Variants in ETV6 observed in about 807,000 individuals in gnomAD.
ETV6 encodes the protein transcription factor ETV6.
In ETV6, 16 loss-of-function variants were observed where a neutral mutation model predicts 51.1. The ratio of observed to expected loss-of-function variants is 0.31; its 90% CI spans 0.21 to 0.48. The LOEUF is 0.48. ETV6 is among the 20% of genes least tolerant of loss of function. ETV6 has a pLI of 0.99. For missense variants in ETV6, 458 were observed against 594.8 expected (o/e 0.77, Z 2.39); for synonymous variants, 240 against 224.1 (o/e 1.07, Z -0.64).
chr12:11,750,069 T>A (rs1028554085), intron 1 of ETV6, among the ~76,000 whole-genome samples: 2 of 152,196 alleles, frequency 1.3e-5, no homozygotes, highest in African/African-American at 4.8e-5. Context: ...CATCATGAAA[T>A]AGCAGTTGTC....
rs553950140 is a variant in ETV6, at chr12:11,654,755, G to T, written c.33+4595G>T. Among the ~76,000 whole-genome samples, 78 of 152,312 alleles carry T rather than the reference G, an allele frequency of 5.1e-4. 2 individuals carry two copies. The South Asian group carries it at 6.0e-3, about 12-fold the overall frequency. On this transcript the variant is annotated intron_variant, in intron 1 of 7. Coordinates refer to ENST00000396373, the MANE Select transcript of ETV6 (RefSeq NM_001987.5). ...TATTTTTTACAGTGCACAAAGGCCT[G>T]CAAGTTCTGTTTTGGGCTGAAGGCC... is the stretch of plus-strand genomic sequence containing the variant.
intron 1 of ETV6, chr12:11,751,271 A>G (rs1001520730): frequency 7.9e-6 from 4 of 508,682 alleles, no homozygotes; most frequent in African/African-American, 3.9e-5. Flanking sequence ...GTAAAATGTT[A>G]AAGAACTATC....
intron 2 of ETV6, chr12:11,769,044 A>G: frequency 2.3e-6 from 1 of 433,634 alleles, no homozygotes; most frequent in South Asian, 1.7e-5. Context: ...AATAAGAGAG[A>G]AAAAACTTGG....
intron 1 of ETV6, among the ~76,000 whole-genome samples, chr12:11,684,497 A>G (rs1019614581): frequency 1.3e-5 from 2 of 152,232 alleles, no homozygotes; most frequent in African/African-American, 4.8e-5. Flanking sequence ...AAACTTCCAC[A>G]CATATTCAGA....
chr12:11,882,055 A>G (rs948484203), intron 5 of ETV6, among the ~76,000 whole-genome samples: 12 of 152,208 alleles, frequency 7.9e-5, no homozygotes, highest in African/African-American at 2.2e-4. Context: ...GTCCAGGACT[A>G]TGGTGTTGTT....
At chr12:11,876,168 A>G (rs561356452) in intron 5 of ETV6, among the ~76,000 whole-genome samples, 4 of 152,348 alleles carry the variant, frequency 2.6e-5, no homozygotes, top group Admixed American at 6.5e-5. Context: ...ACTGCAGGCT[A>G]TATTTTCAGA....
chr12:11,800,189 AT>A (rs1945726915), intron 2 of ETV6, among the ~76,000 whole-genome samples: 1 of 152,202 alleles, frequency 6.6e-6, no homozygotes, highest in Non-Finnish European at 1.5e-5. Flanking sequence ...TTTCTGGGTC[AT>A]GGAAAAGTAA....
intron 1 of ETV6, among the ~76,000 whole-genome samples, chr12:11,696,041 C>G (rs1023506924): frequency 6.6e-6 from 1 of 151,658 alleles, no homozygotes. Flanking sequence ...AAAAAAGAAA[C>G]TTTTTCCTCT....
chr12:11,678,419 C>T (rs776906337), intron 1 of ETV6, among the ~76,000 whole-genome samples: 5 of 152,118 alleles, frequency 3.3e-5, no homozygotes, highest in Admixed American at 6.5e-5. Context: ...CAATTAGAGG[C>T]GCATTTTGAT....
At chr12:11,686,214 C>G (rs991712883) in intron 1 of ETV6, among the ~76,000 whole-genome samples, 1 of 152,120 alleles carries the variant, frequency 6.6e-6, no homozygotes, top group Non-Finnish European at 1.5e-5. Context: ...TTGATTTGCC[C>G]GACATCAATG....
chr12:11,860,630 AAGC>A (rs2136512812), intron 4 of ETV6, among the ~76,000 whole-genome samples: 2 of 152,126 alleles, frequency 1.3e-5, no homozygotes, highest in Admixed American at 1.3e-4. Flanking sequence ...TAGAATAGCC[AAGC>A]ATTCGGTAAA....
At chr12:11,660,800 T>C (rs1488530351) in intron 1 of ETV6, among the ~76,000 whole-genome samples, 2 of 152,166 alleles carry the variant, frequency 1.3e-5, no homozygotes, top group East Asian at 3.9e-4. Context: ...CATGGTAGTG[T>C]CTCTTGGCTC....
At chr12:11,883,098 A>T (rs1246913104) in intron 5 of ETV6, among the ~76,000 whole-genome samples, 1 of 152,132 alleles carries the variant, frequency 6.6e-6, no homozygotes, top group Non-Finnish European at 1.5e-5. Context: ...CATGCAGTGA[A>T]CACCTGGAAA....
chr12:11,881,568 A>G (rs567908528), intron 5 of ETV6, among the ~76,000 whole-genome samples: 2 of 152,264 alleles, frequency 1.3e-5, no homozygotes, highest in South Asian at 4.2e-4. Context: ...CACTTGGTGG[A>G]AGGGTGAGGG....
chr12:11,884,471 T>C lies in ETV6; in HGVS notation c.1036T>C (p.Tyr346His), dbSNP rs1230474319. 1.2e-6 allele frequency: 2 copies of C among 1,614,218 alleles called. No individual in the cohort carries two copies. The highest frequency in any genetic ancestry group is 1.7e-6 in the Non-Finnish European group (2 of 1,180,038). The change falls in exon 6 of 8, where the codon TAT (tyrosine) becomes CAT (histidine). Residue 346 changes from tyrosine to histidine, a missense_variant. Transcript: ENST00000396373. The part of the protein sequence containing the change: ...ADCRLLWDYV[Y>H]QLLSDSRYEN... Reference sequence around the variant, plus strand: ...CTGTAGACTGCTTTGGGATTACGTCTATCAGTTGCTTTCTGACAGCCGGTA... The same window carrying C: ...CTGTAGACTGCTTTGGGATTACGTCCATCAGTTGCTTTCTGACAGCCGGTA...
chr12:11,817,759 A>G (rs1946013920), intron 2 of ETV6, among the ~76,000 whole-genome samples: 1 of 152,222 alleles, frequency 6.6e-6, no homozygotes, highest in African/African-American at 2.4e-5. Context: ...TGGGGAGTAC[A>G]AAGTCAAACA....
At chr12:11,674,156 C>T (rs1027653791) in intron 1 of ETV6, among the ~76,000 whole-genome samples, 1 of 152,134 alleles carries the variant, frequency 6.6e-6, no homozygotes, top group African/African-American at 2.4e-5. Flanking sequence ...GAGCAGTGTG[C>T]TCGCGTGGCC....
At chr12:11,684,350 A>G (rs1864587803) in intron 1 of ETV6, among the ~76,000 whole-genome samples, 1 of 152,190 alleles carries the variant, frequency 6.6e-6, no homozygotes, top group Non-Finnish European at 1.5e-5. Context: ...CTTTTAAAAC[A>G]TATTATTTGT....
In ETV6 at chr12:11,869,492, C is replaced by T; in HGVS notation, c.532C>T (p.Leu178=). 1 of 1,614,146 alleles carries T rather than the reference C, an allele frequency of 6.2e-7. No homozygotes were observed. The highest frequency in any genetic ancestry group is 8.5e-7 in the Non-Finnish European group (1 of 1,180,018). The change falls in exon 5 of 8, where the codon CTG becomes TTG. Residue 178 remains leucine, a synonymous_variant. Transcript: ENST00000396373. The surrounding 1 kb of genome is among the most constrained non-coding windows in gnomAD (Gnocchi z 5.0). Reference sequence around the variant, plus strand: ...GCACCATAACCCTCCCACCATTGAACTGTTGCACCGCTCCAGGTCACCTAT... The same window carrying T: ...GCACCATAACCCTCCCACCATTGAATTGTTGCACCGCTCCAGGTCACCTAT... ...NVHHNPPTIE[L]LHRSRSPITT...
Sources: allele counts gnomAD v4.1 joint callset (sites outside exome capture counted in the v4.1 genomes callset), GRCh38; gene constraint gnomAD v4.1.1; non-coding constraint Gnocchi (gnomAD v3.1); transcripts MANE v1.5; gene names NCBI Gene and HGNC (gene_info 2026-07-23, HGNC 2026-07-21).